The following SDK1 variants were observed in gnomAD, a reference collection of about 807,000 sequenced individuals.
The protein encoded by SDK1 is sidekick cell adhesion molecule 1, also known as protein sidekick-1.
In SDK1, 157 loss-of-function variants were observed where a neutral mutation model predicts 245.5. The observed-to-expected ratio is 0.64, with a 90% CI of 0.56 to 0.73. The LOEUF (loss-of-function observed/expected upper bound fraction) is 0.73. SDK1 is among the 30% of genes least tolerant of loss of function. The pLI is 0.00. For missense variants in SDK1, 3,583 were observed against 3,002.3 expected (o/e 1.19, Z -4.52); for synonymous variants, 1,647 against 1,278.5 (o/e 1.29, Z -6.15).
intron 1 of SDK1, among the ~76,000 whole-genome samples, chr7:3,499,939 G>A (rs1782145714): frequency 6.6e-6 from 1 of 152,162 alleles, no homozygotes; most frequent in Non-Finnish European, 1.5e-5. Context: ...TGAAAGGAAT[G>A]TCCTCAGCTG....
chr7:3,447,756 G>A (rs1282274587), intron 1 of SDK1, among the ~76,000 whole-genome samples: 1 of 145,312 alleles, frequency 6.9e-6, no homozygotes, highest in Non-Finnish European at 1.5e-5. Context: ...CCAGGCTGGA[G>A]TGCAATGGCA....
chr7:3,374,834 C>T (rs1781313942), intron 1 of SDK1, among the ~76,000 whole-genome samples: 1 of 152,042 alleles, frequency 6.6e-6, no homozygotes, highest in Admixed American at 6.6e-5. Context: ...CCTTGTTATG[C>T]CCATTATTTC....
intron 5 of SDK1, among the ~76,000 whole-genome samples, chr7:3,937,282 G>T (rs1187008439): frequency 6.6e-6 from 1 of 152,200 alleles, no homozygotes; most frequent in Non-Finnish European, 1.5e-5. Context: ...TGGGAATGTG[G>T]GCAGAACAGG....
chr7:3,603,979 T>TG (rs1310895346), intron 1 of SDK1, among the ~76,000 whole-genome samples: 5 of 152,216 alleles, frequency 3.3e-5, no homozygotes, highest in Non-Finnish European at 7.3e-5. Flanking sequence ...TATGCTGGAT[T>TG]ACCTTTATTG....
At chr7:3,642,454 T>A (rs1208063011) in intron 4 of SDK1, among the ~76,000 whole-genome samples, 1 of 152,184 alleles carries the variant, frequency 6.6e-6, no homozygotes, top group East Asian at 1.9e-4. Flanking sequence ...ATTTAATGAG[T>A]GCTGGTATTT....
rs560124026 is a variant in SDK1 at position 3,357,328 on chromosome 7, G to GTTTT, written c.298+55480_298+55483dup. Among the ~76,000 whole-genome samples, 37 of 52,942 alleles carry GTTTT rather than the reference G, an allele frequency of 7.0e-4. 8 individuals are homozygous for GTTTT. Among genetic ancestry groups the GTTTT allele is most frequent in the Non-Finnish European group, 1.1e-3 (31 of 28,312 alleles). 34.7% of individuals were successfully genotyped at this position (52,942 alleles called of 152,430 possible). A position where few individuals can be genotyped will look rare whatever the true frequency, so the allele number is the denominator to read the frequency against. ...TTACTCTTGCTCCCCTTCTTTTAGT[G>GTTTT]TTTTTTTTTTTTTTTTTTTTTTTTT... On this transcript the variant is annotated intron_variant, in intron 1 of 44. Transcript: ENST00000404826.
Position 3,541,518 on chromosome 7 carries a change from T to C in SDK1, c.299-77562T>C, listed in dbSNP as rs1779052475. On this transcript the variant is annotated intron_variant, in intron 1 of 44. Transcript: ENST00000404826. ...TGAAGTCCTAGTTATGCTTCAGGGA[T>C]GATTTAATATGTCAGTCCTTCTGTA... 2.6e-5 allele frequency among the ~76,000 whole-genome samples: 4 copies of C among 152,240 alleles called. No individual in the cohort carries two copies. In the South Asian group the frequency reaches 8.3e-4, roughly 32 times the overall value.
intron 5 of SDK1, among the ~76,000 whole-genome samples, chr7:3,880,726 C>A (rs953777095): frequency 1.3e-5 from 2 of 152,110 alleles, no homozygotes; most frequent in African/African-American, 4.8e-5. Flanking sequence ...GCTGACCCAG[C>A]CTTCACTTCA....
At chr7:3,933,659 T>C (rs1373374433) in intron 5 of SDK1, among the ~76,000 whole-genome samples, 1 of 152,182 alleles carries the variant, frequency 6.6e-6, no homozygotes. Flanking sequence ...GAAGTGTTCA[T>C]TGATATATTT....
chr7:4,077,466 C>G (rs1382231469), intron 21 of SDK1, among the ~76,000 whole-genome samples: 2 of 152,182 alleles, frequency 1.3e-5, no homozygotes, highest in Non-Finnish European at 2.9e-5. Flanking sequence ...AAAGCCAGTT[C>G]CCAATGCATA....
At chr7:3,453,475 G>T (rs1165215934) in intron 1 of SDK1, among the ~76,000 whole-genome samples, 2 of 152,140 alleles carry the variant, frequency 1.3e-5, no homozygotes, top group African/African-American at 4.8e-5. Flanking sequence ...TTATCTGGTG[G>T]ACCCTAAATG....
chr7:3,563,046 T>C (rs572165744), intron 1 of SDK1, among the ~76,000 whole-genome samples: 2 of 152,118 alleles, frequency 1.3e-5, no homozygotes, highest in South Asian at 2.1e-4. Flanking sequence ...GTTACCGTTA[T>C]TGAGTGGAGG....
At chr7:3,831,035 G>C (rs1035672295) in intron 5 of SDK1, among the ~76,000 whole-genome samples, 1 of 152,020 alleles carries the variant, frequency 6.6e-6, no homozygotes, top group African/African-American at 2.4e-5. Flanking sequence ...TACTCTCCTT[G>C]TCTCTGTAAT....
At chr7:4,108,723 A>G (rs1783120987) in intron 22 of SDK1, among the ~76,000 whole-genome samples, 2 of 152,164 alleles carry the variant, frequency 1.3e-5, no homozygotes, top group Non-Finnish European at 1.5e-5. Flanking sequence ...AATACCATTC[A>G]CAACTTAGTA....
intron 5 of SDK1, among the ~76,000 whole-genome samples, chr7:3,904,561 G>C (rs921195796): frequency 2.0e-5 from 3 of 152,106 alleles, no homozygotes; most frequent in Non-Finnish European, 4.4e-5. Context: ...CAGACATGGT[G>C]GTGCACACTT....
intron 40 of SDK1, among the ~76,000 whole-genome samples, chr7:4,223,032 G>A (rs147274527): frequency 7.9e-4 from 120 of 151,022 alleles, no homozygotes; most frequent in African/African-American, 2.5e-3. Context: ...GGAGAGCACC[G>A]ATTTCTTCCT....
chr7:3,352,695 C>A (rs983173269), intron 1 of SDK1, among the ~76,000 whole-genome samples: 1 of 152,040 alleles, frequency 6.6e-6, no homozygotes, highest in Non-Finnish European at 1.5e-5. Context: ...CATTTCCATT[C>A]CTGAAGGAAA....
At chr7:3,867,034 C>T (rs1040309539) in intron 5 of SDK1, among the ~76,000 whole-genome samples, 5 of 152,154 alleles carry the variant, frequency 3.3e-5, no homozygotes, top group African/African-American at 9.7e-5. Flanking sequence ...TGGAAATAAA[C>T]GTGGCTGGTA....
At chr7:4,196,192 C>A (rs10260571) in intron 35 of SDK1, among the ~76,000 whole-genome samples, 20,070 of 152,156 alleles carry the variant, frequency 0.13, 1,451 homozygotes, top group African/African-American at 0.18. Flanking sequence ...TGCTTGGTCC[C>A]CTGGTCACTG....
Sources: allele counts gnomAD v4.1 joint callset (sites outside exome capture counted in the v4.1 genomes callset), GRCh38; gene constraint gnomAD v4.1.1; transcripts MANE v1.5; gene names NCBI Gene and HGNC (gene_info 2026-07-23, HGNC 2026-07-21).